Variants in SLIT2 observed in about 807,000 individuals in gnomAD.
SLIT2 encodes the protein slit guidance ligand 2, also known as slit homolog 2 protein.
SLIT2 carries 41 observed loss-of-function variants against 185.7 expected under a neutral mutation model. That is an observed-to-expected ratio of 0.22 (90% CI 0.17 to 0.29). The LOEUF (loss-of-function observed/expected upper bound fraction) is 0.29, where lower values mean the gene tolerates loss of function less well. Ranked by LOEUF, SLIT2 falls within the 10% of genes least tolerant of loss-of-function variation. The pLI, the probability that SLIT2 is intolerant of heterozygous loss-of-function variation, is 1.00. For missense variants in SLIT2, 1,571 were observed against 1,909.0 expected (o/e 0.82, Z 3.30); for synonymous variants, 693 against 680.2 (o/e 1.02, Z -0.29).
intron 9 of SLIT2, among the ~76,000 whole-genome samples, chr4:20,501,430 T>G (rs1718725404): frequency 1.3e-5 from 2 of 152,166 alleles, no homozygotes; most frequent in East Asian, 3.9e-4. Context: ...GGACTACAAG[T>G]GCATGCCACC....
intron 4 of SLIT2, among the ~76,000 whole-genome samples, chr4:20,297,304 T>C (rs1430692403): frequency 6.6e-6 from 1 of 152,248 alleles, no homozygotes; most frequent in Non-Finnish European, 1.5e-5. Flanking sequence ...TGTGAAACTT[T>C]GTTTTCCTGA....
intron 4 of SLIT2, among the ~76,000 whole-genome samples, chr4:20,278,428 T>A (rs1714384939): frequency 6.6e-6 from 1 of 152,184 alleles, no homozygotes; most frequent in Admixed American, 6.5e-5. Context: ...TGATGTTATA[T>A]GCTCTACTTA....
chr4:20,580,495 C>A (rs1041730202), intron 29 of SLIT2, among the ~76,000 whole-genome samples: 1 of 151,730 alleles, frequency 6.6e-6, no homozygotes, highest in Admixed American at 6.6e-5. Flanking sequence ...TGCAAACTTA[C>A]CATAAAGCTG....
At chr4:20,262,996 C>T (rs1712649853) in intron 3 of SLIT2, among the ~76,000 whole-genome samples, 1 of 151,708 alleles carries the variant, frequency 6.6e-6, no homozygotes, top group South Asian at 2.1e-4. Context: ...TCTTTTGTGA[C>T]AGTGTTTGCT....
rs145195394 is a variant in SLIT2 at position 20,480,772 on chromosome 4, G to A, written c.524G>A (p.Arg175Gln). The A allele has an allele frequency of 2.4e-5, 38 of 1,612,654 alleles. No individual in the cohort carries two copies. The highest frequency in any genetic ancestry group is 3.0e-5 in the Non-Finnish European group (35 of 1,178,890). The change falls in exon 6 of 37, where the codon CGG (arginine) becomes CAG (glutamine). Residue 175 changes from arginine to glutamine, a missense_variant. Physicochemically the swap from Arg to Gln is conservative, Grantham distance 43 (BLOSUM62 1). Coordinates refer to ENST00000504154, the MANE Select transcript of SLIT2 (RefSeq NM_004787.4). ...GAAGATGGGGCATTCAGGGCTCTCC[G>A]GGACCTGGAAGTGCTGTAAGTACTG... ...CIEDGAFRAL[R>Q]DLEVLTLNNN...
chr4:20,262,921 G>T (rs1198636541), intron 3 of SLIT2, among the ~76,000 whole-genome samples: 1 of 151,708 alleles, frequency 6.6e-6, no homozygotes, highest in Admixed American at 6.6e-5. Flanking sequence ...TTTGCTCTTT[G>T]TCGACCATTT....
intron 4 of SLIT2, among the ~76,000 whole-genome samples, chr4:20,287,531 G>A (rs766622354): frequency 3.9e-5 from 6 of 152,064 alleles, no homozygotes; most frequent in Non-Finnish European, 8.8e-5. Context: ...TATCACCTTA[G>A]GTCTTGGTCC....
rs573278428 is a variant in SLIT2, at chr4:20,330,671, G to A, written c.395+61790G>A. Among the ~76,000 whole-genome samples, 16 of 149,818 alleles carry A rather than the reference G, an allele frequency of 1.1e-4. No individual in the cohort carries two copies. The East Asian group carries it at 1.8e-3, about 17-fold the overall frequency. ...TACACACCAATTCTAATTTCTCACAGTTGGTTTTGTGGATTCTTTGATTTG... is the reference window on the plus strand; with the variant it reads ...TACACACCAATTCTAATTTCTCACAATTGGTTTTGTGGATTCTTTGATTTG... On this transcript the variant is annotated intron_variant, in intron 4 of 36. Coordinates refer to ENST00000504154, the MANE Select transcript of SLIT2 (RefSeq NM_004787.4).
intron 9 of SLIT2, among the ~76,000 whole-genome samples, chr4:20,493,372 G>A (rs940595267): frequency 6.6e-6 from 1 of 152,138 alleles, no homozygotes; most frequent in South Asian, 2.1e-4. Flanking sequence ...TCTCATAAGG[G>A]AACTATATAG....
chr4:20,350,807 GAAGT>G (rs562253713), intron 4 of SLIT2, among the ~76,000 whole-genome samples: 19 of 152,098 alleles, frequency 1.2e-4, no homozygotes, highest in African/African-American at 4.1e-4. Flanking sequence ...GCTTGGGCAA[GAAGT>G]AAGACCCCAT....
At position 20,323,790 on chromosome 4, in the gene SLIT2, C is replaced by G. The variant is rs116423431; in HGVS notation, c.395+54909C>G. On this transcript the variant is annotated intron_variant, in intron 4 of 36. Transcript: ENST00000504154. Reference sequence around the variant, plus strand: ...ATAAGCTAAATCAAGTTATGTCACTCGAACTACCATAAAATAGTTTGTTTC... The same window carrying G: ...ATAAGCTAAATCAAGTTATGTCACTGGAACTACCATAAAATAGTTTGTTTC... 7.2e-3 allele frequency among the ~76,000 whole-genome samples: 1,100 copies of G among 152,268 alleles called. 5 individuals carry two copies. Among genetic ancestry groups the G allele is most frequent in the South Asian group, 0.021 (101 of 4,830 alleles).
intron 33 of SLIT2, among the ~76,000 whole-genome samples, chr4:20,607,390 A>T (rs1232385354): frequency 6.6e-6 from 1 of 152,192 alleles, no homozygotes; most frequent in East Asian, 1.9e-4. Flanking sequence ...TATTGCTAAA[A>T]ACAATTGATA....
chr4:20,423,636 C>A (rs973540863), intron 4 of SLIT2, among the ~76,000 whole-genome samples: 2 of 152,092 alleles, frequency 1.3e-5, no homozygotes. Flanking sequence ...CACATGGGAC[C>A]TTTCTCTTAA....
chr4:20,474,469 A>G (rs936995356), intron 5 of SLIT2, among the ~76,000 whole-genome samples: 1 of 152,196 alleles, frequency 6.6e-6, no homozygotes, highest in East Asian at 1.9e-4. Context: ...TTTTTCTTCA[A>G]TAATGCATTT....
chr4:20,556,987 C>T (rs1042163370), intron 26 of SLIT2, among the ~76,000 whole-genome samples: 1 of 151,964 alleles, frequency 6.6e-6, no homozygotes. Context: ...TAAACAAAAC[C>T]CTAACCTAAA....
At chr4:20,285,907 G>T (rs1466085856) in intron 4 of SLIT2, among the ~76,000 whole-genome samples, 2 of 152,236 alleles carry the variant, frequency 1.3e-5, no homozygotes, top group African/African-American at 4.8e-5. Context: ...ACTGGAGGAA[G>T]TGGTGATGCT....
intron 26 of SLIT2, 114 bp downstream of exon 26, chr4:20,554,082 T>C: frequency 1.1e-6 from 1 of 872,998 alleles, no homozygotes; most frequent in Non-Finnish European, 1.7e-6. Context: ...TAAATGATTA[T>C]TTTTTCAGCC....
intron 4 of SLIT2, among the ~76,000 whole-genome samples, chr4:20,324,088 TA>T (rs1478580860): frequency 2.6e-5 from 4 of 152,130 alleles, no homozygotes; most frequent in Admixed American, 1.3e-4. Flanking sequence ...GTCAAGAGCA[TA>T]GGGGTGGCGA....
chr4:20,267,862 G>T (rs1001080232), intron 3 of SLIT2, among the ~76,000 whole-genome samples: 2 of 151,824 alleles, frequency 1.3e-5, no homozygotes, highest in African/African-American at 4.8e-5. Context: ...ACTATATCCA[G>T]AAACTATACT....
Sources: allele counts gnomAD v4.1 joint callset (sites outside exome capture counted in the v4.1 genomes callset), GRCh38; gene constraint gnomAD v4.1.1; transcripts MANE v1.5; gene names NCBI Gene and HGNC (gene_info 2026-07-23, HGNC 2026-07-21).